The following SCAI variants were observed in gnomAD, a reference collection of about 807,000 sequenced individuals.
SCAI encodes the protein suppressor of cancer cell invasion.
SCAI carries 24 observed loss-of-function variants against 92.2 expected under a neutral mutation model. That is an observed-to-expected ratio of 0.26 (90% CI 0.19 to 0.37). The LOEUF (loss-of-function observed/expected upper bound fraction) is 0.37, where lower values mean the gene tolerates loss of function less well. Among genes scored for constraint, SCAI ranks in the 10% least tolerant of loss-of-function variants. The pLI, the probability that SCAI is intolerant of heterozygous loss-of-function variation, is 1.00. For synonymous variants in SCAI, 261 were observed against 258.6 expected (o/e 1.01, Z -0.09); for missense variants, 450 against 736.2 (o/e 0.61, Z 4.50).
At chr9:125,124,327 G>GCTC (rs1835218918) in intron 2 of SCAI, among the ~76,000 whole-genome samples, 1 of 152,102 alleles carries the variant, frequency 6.6e-6, no homozygotes, top group African/African-American at 2.4e-5. Context: ...AAAGGAATTG[G>GCTC]CTCATGCAAT....
chr9:124,955,742 T>C (rs1329001083), intron 17 of SCAI, among the ~76,000 whole-genome samples: 1 of 150,798 alleles, frequency 6.6e-6, no homozygotes, highest in East Asian at 1.9e-4. Flanking sequence ...AAAAAACAAA[T>C]TACTAATAAG....
chr9:125,082,273 G>A (rs568131684), intron 2 of SCAI, among the ~76,000 whole-genome samples: 1 of 152,356 alleles, frequency 6.6e-6, no homozygotes, highest in African/African-American at 2.4e-5. Flanking sequence ...ACATGGTGTT[G>A]AGACTGCAGG....
At chr9:125,109,975 A>T (rs543668119) in intron 2 of SCAI, among the ~76,000 whole-genome samples, 12 of 152,314 alleles carry the variant, frequency 7.9e-5, no homozygotes, top group African/African-American at 1.7e-4. Context: ...GGCATGAGCC[A>T]CCATGTCTGG....
chr9:124,948,033 T>C lies in SCAI; in HGVS notation c.*4774A>G, dbSNP rs13299805. 6,743 of 152,198 alleles carry C rather than the reference T, an allele frequency of 0.044. 233 individuals are homozygous for C. Among genetic ancestry groups the C allele is most frequent in the Non-Finnish European group, 0.063 (4,261 of 68,020 alleles). The allele number at this position is 152,198 out of a possible 1,614,324, so 9.4% of individuals were successfully genotyped here. ...TTCTCAGAGACAGAAAGTTACTATATCACACATGTCAGAGATTAAACTTGG... is the reference window on the plus strand; with the variant it reads ...TTCTCAGAGACAGAAAGTTACTATACCACACATGTCAGAGATTAAACTTGG... On this transcript the variant is annotated 3_prime_UTR_variant, in exon 18 of 18. Transcript: ENST00000336505.
intron 9 of SCAI, among the ~76,000 whole-genome samples, chr9:125,004,756 TATATATATATATATATATATA>T (rs1437790861): frequency 4.7e-3 from 44 of 9,362 alleles, no homozygotes; most frequent in African/African-American, 0.011. Context: ...TATATATATA[TATATATATATATATATATATA>T]TATTTTTTTT....
intron 17 of SCAI, among the ~76,000 whole-genome samples, chr9:124,966,728 A>G (rs1378758656): frequency 1.3e-5 from 2 of 152,034 alleles, no homozygotes; most frequent in East Asian, 1.9e-4. Flanking sequence ...ATTTTATTTC[A>G]GGAGAAAGAA....
At chr9:125,008,763 A>G (rs1320061480) in intron 9 of SCAI, among the ~76,000 whole-genome samples, 1 of 152,234 alleles carries the variant, frequency 6.6e-6, no homozygotes, top group African/African-American at 2.4e-5. Context: ...AGTGGAGCAG[A>G]GAAAGAACAG....
chr9:125,066,136 A>C, intron 2 of SCAI: 1 of 626,908 alleles, frequency 1.6e-6, no homozygotes, highest in Non-Finnish European at 2.9e-6. Context: ...TTTCCATAGA[A>C]ATTTCAAAAG....
chr9:124,997,436 T>C (rs565421392), intron 13 of SCAI, among the ~76,000 whole-genome samples: 1 of 152,312 alleles, frequency 6.6e-6, no homozygotes, highest in South Asian at 2.1e-4. Context: ...TGGTCCCACA[T>C]ATTTCAGATA....
intron 14 of SCAI, among the ~76,000 whole-genome samples, chr9:124,993,669 A>C (rs1326898880): frequency 6.6e-6 from 1 of 152,186 alleles, no homozygotes; most frequent in African/African-American, 2.4e-5. Context: ...GAGTAGGAGG[A>C]AAAATGCTGA....
At chr9:125,042,193 T>C (rs1833328804) in intron 3 of SCAI, among the ~76,000 whole-genome samples, 1 of 152,210 alleles carries the variant, frequency 6.6e-6, no homozygotes, top group South Asian at 2.1e-4. Context: ...TATTCTTTTT[T>C]CCAAGATTTT....
intron 15 of SCAI, chr9:124,974,143 C>A (rs1831711637): frequency 2.5e-6 from 1 of 399,882 alleles, no homozygotes; most frequent in South Asian, 1.8e-5. Flanking sequence ...CTTGTCAGGT[C>A]ATAGTGCTAT....
At chr9:125,022,742 T>C (rs1832896994) in intron 6 of SCAI, among the ~76,000 whole-genome samples, 1 of 152,126 alleles carries the variant, frequency 6.6e-6, no homozygotes, top group African/African-American at 2.4e-5. Flanking sequence ...AAAAACAGTA[T>C]ATTATTGGGT....
chr9:125,001,103 T>C (rs1252093858), intron 12 of SCAI, among the ~76,000 whole-genome samples: 1 of 152,206 alleles, frequency 6.6e-6, no homozygotes, highest in Non-Finnish European at 1.5e-5. Flanking sequence ...TTTAAGATTT[T>C]ACATTACTTT....
At chr9:125,132,711 G>GT (rs1295564296) in intron 2 of SCAI, among the ~76,000 whole-genome samples, 5 of 151,684 alleles carry the variant, frequency 3.3e-5, no homozygotes, top group African/African-American at 1.2e-4. Flanking sequence ...GCTCATGCCT[G>GT]TAATCCCAGC....
intron 3 of SCAI, among the ~76,000 whole-genome samples, chr9:125,055,458 A>G (rs551689870): frequency 6.6e-6 from 1 of 152,286 alleles, no homozygotes; most frequent in East Asian, 1.9e-4. Context: ...AGGCACAGAC[A>G]TTTCATCCCA....
At chr9:124,983,162 TAAAA>T (rs144047566) in intron 14 of SCAI, among the ~76,000 whole-genome samples, 1 of 138,710 alleles carries the variant, frequency 7.2e-6, no homozygotes, top group Non-Finnish European at 1.6e-5. Flanking sequence ...ACCTGTCTCT[TAAAA>T]AAAAAAAAAA....
intron 2 of SCAI, among the ~76,000 whole-genome samples, chr9:125,124,759 A>G (rs1260721009): frequency 6.6e-6 from 1 of 152,236 alleles, no homozygotes; most frequent in African/African-American, 2.4e-5. Context: ...CATAAAATGA[A>G]CCATCATAAC....
At chr9:125,093,873 G>A (rs753850884) in intron 2 of SCAI, among the ~76,000 whole-genome samples, 2 of 151,510 alleles carry the variant, frequency 1.3e-5, no homozygotes, top group East Asian at 1.9e-4. Flanking sequence ...CGACACCTAC[G>A]TTTTTTTAAT....
Sources: gnomAD v4.1 joint callset for allele counts (sites outside exome capture counted in the v4.1 genomes callset) on GRCh38, gnomAD v4.1.1 for gene constraint, MANE v1.5 for transcripts, NCBI Gene and HGNC (gene_info 2026-07-23, HGNC 2026-07-21) for gene names.